The following CACNA2D3 variants were observed in gnomAD, a reference collection of about 807,000 sequenced individuals.
The protein encoded by CACNA2D3 is calcium voltage-gated channel auxiliary subunit alpha2delta 3, also known as voltage-dependent calcium channel subunit alpha-2/delta-3.
A neutral mutation model predicts 160.6 loss-of-function variants in CACNA2D3; 60 were observed. The observed-to-expected ratio is 0.37, with a 90% CI of 0.30 to 0.46. CACNA2D3 has a LOEUF of 0.46. Among genes scored for constraint, CACNA2D3 ranks in the 20% least tolerant of loss-of-function variants. The probability of loss-of-function intolerance (pLI) is 1.00; values close to 1 mark genes in which losing one functional copy is unlikely to be tolerated. For missense variants in CACNA2D3, 1,205 were observed against 1,365.0 expected (o/e 0.88, Z 1.85); for synonymous variants, 558 against 492.9 (o/e 1.13, Z -1.75).
At chr3:54,654,637 G>C (rs186143373) in intron 11 of CACNA2D3, among the ~76,000 whole-genome samples, 1 of 152,148 alleles carries the variant, frequency 6.6e-6, no homozygotes. Flanking sequence ...CGGACCTCTG[G>C]CAAGGGCATG....
chr3:54,469,523 C>T (rs1437744657), intron 4 of CACNA2D3, among the ~76,000 whole-genome samples: 1 of 150,758 alleles, frequency 6.6e-6, no homozygotes, highest in Non-Finnish European at 1.5e-5. Flanking sequence ...GCCTCTTCTC[C>T]TCCAAAGGAT....
intron 13 of CACNA2D3, among the ~76,000 whole-genome samples, chr3:54,801,593 T>C (rs1702989042): frequency 6.6e-6 from 1 of 152,224 alleles, no homozygotes; most frequent in Non-Finnish European, 1.5e-5. Flanking sequence ...TAAAGTGATT[T>C]AACATGAAGT....
At chr3:55,073,255 T>C (rs2107236855) in intron 35 of CACNA2D3, among the ~76,000 whole-genome samples, 190 bp from the exon 36 acceptor site, 1 of 152,324 alleles carries the variant, frequency 6.6e-6, no homozygotes, top group East Asian at 1.9e-4. Flanking sequence ...TATTGTTGTT[T>C]TCCTAGTGAA....
chr3:54,998,697 C>T (rs1702912219), intron 31 of CACNA2D3, among the ~76,000 whole-genome samples: 1 of 150,896 alleles, frequency 6.6e-6, no homozygotes, highest in Non-Finnish European at 1.5e-5. Context: ...GATGGGTGCT[C>T]ATTAGCTAAA....
chr3:54,569,194 A>G (rs1383090708), intron 6 of CACNA2D3, among the ~76,000 whole-genome samples: 1 of 151,986 alleles, frequency 6.6e-6, no homozygotes. Context: ...CATGGGGAAA[A>G]CTCCCCAGGC....
At chr3:54,173,493 C>T (rs755697275) in intron 2 of CACNA2D3, among the ~76,000 whole-genome samples, 4 of 152,094 alleles carry the variant, frequency 2.6e-5, no homozygotes, top group South Asian at 4.1e-4. Context: ...TTTTTCTGGC[C>T]GACACACACA....
At chr3:54,470,062 A>G (rs966757056) in intron 4 of CACNA2D3, among the ~76,000 whole-genome samples, 5 of 152,222 alleles carry the variant, frequency 3.3e-5, no homozygotes, top group Admixed American at 6.5e-5. Flanking sequence ...TAACATTCAA[A>G]TTTAGGAAAT....
intron 27 of CACNA2D3, among the ~76,000 whole-genome samples, chr3:54,911,659 G>T (rs1336334873): frequency 1.3e-5 from 2 of 151,912 alleles, no homozygotes; most frequent in East Asian, 3.9e-4. Context: ...TCTCTGCCCT[G>T]GATTGTCATA....
intron 2 of CACNA2D3, among the ~76,000 whole-genome samples, chr3:54,182,164 G>A (rs937597136): frequency 6.6e-6 from 1 of 152,212 alleles, no homozygotes; most frequent in South Asian, 2.1e-4. Context: ...AAATGACAGT[G>A]TTTTGGGTAA....
At chr3:54,660,494 C>A (rs951091768) in intron 11 of CACNA2D3, among the ~76,000 whole-genome samples, 2 of 152,134 alleles carry the variant, frequency 1.3e-5, no homozygotes, top group African/African-American at 4.8e-5. Flanking sequence ...AGAGAAATCA[C>A]CTTTACACCT....
At chr3:54,418,118 T>G (rs189846192) in intron 4 of CACNA2D3, among the ~76,000 whole-genome samples, 1 of 152,256 alleles carries the variant, frequency 6.6e-6, no homozygotes, top group East Asian at 1.9e-4. Context: ...TAAAAGGACT[T>G]TTTTTGGGTA....
intron 10 of CACNA2D3, among the ~76,000 whole-genome samples, chr3:54,636,587 G>A (rs1699377554): frequency 6.6e-6 from 1 of 152,026 alleles, no homozygotes; most frequent in South Asian, 2.1e-4. Flanking sequence ...GCAGACATGA[G>A]GGCTAGGCTA....
chr3:54,661,649 G>A (rs1443162566), intron 11 of CACNA2D3, among the ~76,000 whole-genome samples: 1 of 152,122 alleles, frequency 6.6e-6, no homozygotes, highest in Non-Finnish European at 1.5e-5. Context: ...AGGAAAAAGG[G>A]GTGGGGTGCA....
chr3:54,467,078 AG>A (rs1700641549), intron 4 of CACNA2D3, among the ~76,000 whole-genome samples: 1 of 152,196 alleles, frequency 6.6e-6, no homozygotes, highest in African/African-American at 2.4e-5. Flanking sequence ...TGAGAAGACC[AG>A]GGTGGGATTT....
intron 2 of CACNA2D3, among the ~76,000 whole-genome samples, chr3:54,267,400 T>C (rs183661934): frequency 6.6e-6 from 1 of 152,276 alleles, no homozygotes; most frequent in East Asian, 1.9e-4. Context: ...TTTAAATACA[T>C]GGGTTTAGAG....
chr3:54,872,454 G>C (rs1486632327), intron 18 of CACNA2D3, among the ~76,000 whole-genome samples: 1 of 152,004 alleles, frequency 6.6e-6, no homozygotes, highest in African/African-American at 2.4e-5. Flanking sequence ...ATTCGTCTAG[G>C]GTCCTTTCTT....
At chr3:54,993,371 T>C (rs971007861) in intron 31 of CACNA2D3, among the ~76,000 whole-genome samples, 1 of 152,124 alleles carries the variant, frequency 6.6e-6, no homozygotes, top group Non-Finnish European at 1.5e-5. Flanking sequence ...CCAATTCCTC[T>C]CCTCCCTTCC....
Position 54,722,019 on chromosome 3 carries a change from C to T in CACNA2D3, c.1168-30580C>T, listed in dbSNP as rs193102633. On this transcript the variant is annotated intron_variant, in intron 11 of 37. Transcript: ENST00000474759. ...CTGAAGAGTGTTTTCCAACTTGGTT[C>T]CATTCTCCTTGTCACTTTCAGGTAC... Among the ~76,000 whole-genome samples, 39 of 152,248 alleles carry T rather than the reference C, an allele frequency of 2.6e-4. No individual in the cohort carries two copies. In the East Asian group the frequency reaches 7.4e-3, roughly 29 times the overall value.
chr3:54,900,838 C>CT (rs1370671052), intron 27 of CACNA2D3, among the ~76,000 whole-genome samples: 2 of 152,116 alleles, frequency 1.3e-5, no homozygotes, highest in African/African-American at 2.4e-5. Context: ...GGAAATACTG[C>CT]TTTTTTCCCC....
Sources: allele counts gnomAD v4.1 joint callset (sites outside exome capture counted in the v4.1 genomes callset), GRCh38; gene constraint gnomAD v4.1.1; transcripts MANE v1.5; gene names NCBI Gene and HGNC (gene_info 2026-07-23, HGNC 2026-07-21).